The following BRD9 variants were observed in gnomAD, a reference collection of about 807,000 sequenced individuals.
BRD9 encodes bromodomain containing 9.
Under a neutral mutation model 68.7 loss-of-function variants are expected in BRD9, and 47 were observed. That is an observed-to-expected ratio of 0.68 (90% CI 0.54 to 0.87). BRD9 has a LOEUF of 0.87. BRD9 is among the 40% of genes least tolerant of loss of function. The probability of loss-of-function intolerance (pLI) is 0.00; values close to 1 mark genes in which losing one functional copy is unlikely to be tolerated. For missense variants in BRD9, 670 were observed against 748.4 expected, an observed-to-expected ratio of 0.90 and a Z score of 1.22; for synonymous variants, 313 against 293.9, an observed-to-expected ratio of 1.06 and a Z score of -0.67.
At chr5:883,185 T>A (rs28379261) in intron 8 of BRD9, 14 of 382,938 alleles carry the variant, frequency 3.7e-5, no homozygotes, top group African/African-American at 2.9e-4. Flanking sequence ...CAGACACCTC[T>A]GAAATGCCCC....
At chr5:882,848 G>A (rs141184632) in intron 8 of BRD9, 98 of 178,234 alleles carry the variant, frequency 5.5e-4, no homozygotes, top group Non-Finnish European at 8.6e-4. Flanking sequence ...CACGAGCCAC[G>A]CAGACTGCAA....
At chr5:892,454 C>T in intron 1 of BRD9, 152 bp downstream of exon 1, 1 of 1,413,130 alleles carries the variant, frequency 7.1e-7, no homozygotes, top group South Asian at 1.5e-5. Context: ...GTTCCCTGCC[C>T]GAAATCCCAG....
At position 874,893 on chromosome 5, in the gene BRD9, C is replaced by T. The variant is rs184245109; in HGVS notation, c.1383+1208G>A. On this transcript the variant is annotated intron_variant, in intron 12 of 15. Coordinates refer to ENST00000467963, the MANE Select transcript of BRD9 (RefSeq NM_023924.5). ...AGTGTCGGTGCCATGTGAGATAACA[C>T]GAGCTGTCCTCAGAGTGCCACAGTC... 3.3e-4 allele frequency among the ~76,000 whole-genome samples: 51 copies of T among 152,322 alleles called. 1 individual carries two copies. Among genetic ancestry groups the T allele is most frequent in the South Asian group, 1.0e-3 (5 of 4,826 alleles).
Position 892,709 on chromosome 5 carries a change from G to C in BRD9, c.-52C>G. The C allele has an allele frequency of 1.5e-6, 2 of 1,323,880 alleles. No individual in the cohort carries two copies. Among genetic ancestry groups the C allele is most frequent in the Non-Finnish European group, 1.9e-6 (2 of 1,034,312 alleles). 82.0% of individuals were successfully genotyped at this position (1,323,880 alleles called of 1,614,324 possible). ...GGGGGCTGGGAACAGCTGGCACCCG[G>C]TCGGACCTTGGCCGCCACCGCCCCC... On this transcript the variant is annotated 5_prime_UTR_variant, in exon 1 of 16. Transcript: ENST00000467963.
Position 864,294 on chromosome 5 carries a change from C to G in BRD9, c.*174G>C. On this transcript the variant is annotated 3_prime_UTR_variant, in exon 16 of 16. Coordinates refer to ENST00000467963, the MANE Select transcript of BRD9 (RefSeq NM_023924.5). ...GCGTATGACTCCACTCCTCAGGGTTCGTGGGGCTTGGAGACTCTGCTGACA... is the reference window on the plus strand; with the variant it reads ...GCGTATGACTCCACTCCTCAGGGTTGGTGGGGCTTGGAGACTCTGCTGACA... 3 of 523,222 alleles carry G rather than the reference C, an allele frequency of 5.7e-6. No individual in the cohort carries two copies. The highest frequency in any genetic ancestry group is 1.0e-5 in the Non-Finnish European group (3 of 293,382). The allele number at this position is 523,222 out of a possible 1,614,324, so 32.4% of individuals were successfully genotyped here.
chr5:865,557 G>A lies in BRD9; in HGVS notation c.1550C>T (p.Pro517Leu). The A allele has an allele frequency of 6.2e-7, 1 of 1,603,728 alleles. No individual in the cohort carries two copies. The highest frequency in any genetic ancestry group is 8.5e-7 in the Non-Finnish European group (1 of 1,178,416). The change falls in exon 15 of 16, where the codon CCT becomes CTT. Residue 517 changes from proline (P) to leucine (L), a missense_variant. Pro to Leu is a moderately conservative substitution (Grantham distance 98). Around this residue, in one of 5 missense-constraint regions of BRD9, gnomAD observed 280 missense variants for 281.5 expected, o/e 0.99. Coordinates refer to ENST00000467963, the MANE Select transcript of BRD9 (RefSeq NM_023924.5). The stretch of plus-strand genomic sequence containing the variant: ...ATCCAAGTTCAAATGGCTGTCGTCA[G>A]GGTCCAGCTCCTTCTTCACCTTCCC... The part of the protein sequence containing the change: ...SLGKVKKELD[P>L]DDSHLNLDET...
intron 14 of BRD9, among the ~76,000 whole-genome samples, chr5:866,880 C>T (rs567508194): frequency 1.3e-5 from 2 of 152,222 alleles, no homozygotes; most frequent in Admixed American, 6.5e-5. Context: ...AAATTTGTAC[C>T]CCTGCCATGT....
At chr5:886,443 ACTC>A in intron 7 of BRD9, 146 bp downstream of exon 7, 1 of 829,160 alleles carries the variant, frequency 1.2e-6, no homozygotes, top group Non-Finnish European at 1.9e-6. Context: ...GTCTGGCCAC[ACTC>A]CTCCTGCCAG....
chr5:881,070 A>T (rs756557766), intron 9 of BRD9, 37 bp downstream of exon 9: 1 of 1,602,674 alleles, frequency 6.2e-7, no homozygotes, highest in Admixed American at 1.7e-5. Context: ...AAAGCAGTGT[A>T]CGGAGAGCAT....
At chr5:871,702 G>C (rs1579919558) in intron 12 of BRD9, 138 bp from the exon 13 acceptor site, 1 of 810,012 alleles carries the variant, frequency 1.2e-6, no homozygotes, top group Admixed American at 1.9e-5. Context: ...CATCTTAATG[G>C]ATTAAGGCTG....
At chr5:867,426 T>C (rs1340255326) in intron 14 of BRD9, among the ~76,000 whole-genome samples, 1 of 152,200 alleles carries the variant, frequency 6.6e-6, no homozygotes, top group African/African-American at 2.4e-5. Context: ...AGGGCCACCG[T>C]CCTCCAGACC....
chr5:883,754 C>A, intron 8 of BRD9, 184 bp downstream of exon 8: 3 of 811,988 alleles, frequency 3.7e-6, no homozygotes, highest in Middle Eastern at 3.4e-4. Flanking sequence ...CTGCCAGAGG[C>A]ACCTGGACCC....
chr5:871,282 G>C (rs1579917364), intron 13 of BRD9, among the ~76,000 whole-genome samples: 1 of 152,256 alleles, frequency 6.6e-6, no homozygotes, highest in South Asian at 2.1e-4. Flanking sequence ...CACAAGGACA[G>C]CACCCAGCGG....
chr5:870,224 A>T lies in BRD9; in HGVS notation c.1525+249T>A, dbSNP rs1162672789. ...TCCACAGCCACTGGGGATCGGCCAG[A>T]CCCCATCCTGAGGTTACCCAGGGGC... On this transcript the variant is annotated intron_variant, in intron 14 of 15. Coordinates refer to ENST00000467963, the MANE Select transcript of BRD9 (RefSeq NM_023924.5). 9 of 456,704 alleles carry T rather than the reference A, an allele frequency of 2.0e-5. No homozygotes were observed. In the East Asian group the frequency reaches 3.6e-4, roughly 18 times the overall value. 28.3% of individuals were successfully genotyped at this position (456,704 alleles called of 1,614,324 possible).
At chr5:868,974 A>G in intron 14 of BRD9, 2 of 222,310 alleles carry the variant, frequency 9.0e-6, no homozygotes, top group Non-Finnish European at 1.8e-5. Flanking sequence ...CACAGTCTCC[A>G]GGATGGCCCC....
At chr5:870,937 G>T (rs959769368) in intron 13 of BRD9, among the ~76,000 whole-genome samples, 1 of 152,212 alleles carries the variant, frequency 6.6e-6, no homozygotes, top group East Asian at 1.9e-4. Flanking sequence ...AGCACACAAC[G>T]TTCCCTTTCC....
chr5:892,776 C>T lies in BRD9; in HGVS notation c.-119G>A. On this transcript the variant is annotated 5_prime_UTR_variant, in exon 1 of 16. Coordinates refer to ENST00000467963, the MANE Select transcript of BRD9 (RefSeq NM_023924.5). Reference sequence around the variant, plus strand: ...CCCGCGCTCGCTGCGCCGAGGTTGCCGAGCTCGCTGGGCCGCGCCGGAAAC... The same window carrying T: ...CCCGCGCTCGCTGCGCCGAGGTTGCTGAGCTCGCTGGGCCGCGCCGGAAAC... 7.2e-6 allele frequency: 8 copies of T among 1,106,592 alleles called. No homozygotes were observed. Among genetic ancestry groups the T allele is most frequent in the Non-Finnish European group, 9.1e-6 (8 of 877,168 alleles). 68.5% of individuals were successfully genotyped at this position (1,106,592 alleles called of 1,614,324 possible).
At chr5:865,631 C>G in intron 14 of BRD9, 50 bp from the exon 15 acceptor site, 1 of 1,543,162 alleles carries the variant, frequency 6.5e-7, no homozygotes, top group Non-Finnish European at 8.8e-7. Context: ...GCCGGCCCGT[C>G]TACCCTAAGG....
intron 11 of BRD9, among the ~76,000 whole-genome samples, chr5:877,169 G>C (rs1751076093): frequency 1.3e-5 from 2 of 152,358 alleles, no homozygotes; most frequent in South Asian, 4.1e-4. Context: ...ACAGGTGACT[G>C]ATGTCCTGAA....
Sources: gnomAD v4.1 joint callset for allele counts (sites outside exome capture counted in the v4.1 genomes callset) on GRCh38, gnomAD v4.1.1 for gene constraint, gnomAD v4.1.1 regional missense constraint, MANE v1.5 for transcripts, NCBI Gene and HGNC (gene_info 2026-07-23, HGNC 2026-07-21) for gene names.